DISP3: variants seen among roughly 807,000 people sequenced by gnomAD.
DISP3 encodes dispatched RND transporter family member 3.
DISP3 carries 101 observed loss-of-function variants against 135.3 expected under a neutral mutation model. That is an observed-to-expected ratio of 0.75 (90% confidence interval 0.64 to 0.88). The LOEUF (loss-of-function observed/expected upper bound fraction) is 0.88. Among genes scored for constraint, DISP3 ranks in the 40% least tolerant of loss-of-function variants. DISP3 has a pLI of 0.00. For synonymous variants in DISP3, 856 were observed against 817.0 expected (o/e 1.05, Z -0.81); for missense variants, 1,713 against 1,878.6 (o/e 0.91, Z 1.63).
chr1:11,480,769 C>T (rs1017666935), intron 1 of DISP3, among the ~76,000 whole-genome samples: 3 of 151,306 alleles, frequency 2.0e-5, no homozygotes, highest in African/African-American at 7.3e-5. Context: ...CCCCTCCCCA[C>T]CTCCTACTAC....
chr1:11,494,301 G>C (rs538693007), intron 1 of DISP3, among the ~76,000 whole-genome samples: 7 of 152,332 alleles, frequency 4.6e-5, no homozygotes, highest in South Asian at 2.1e-4. Flanking sequence ...TATTATGATG[G>C]TCTTAATGGG....
intron 5 of DISP3, 129 bp downstream of exon 5, chr1:11,515,632 T>C: frequency 7.4e-7 from 1 of 1,354,626 alleles, no homozygotes; most frequent in Non-Finnish European, 9.9e-7. Context: ...CCTAGAGCCT[T>C]GGAGTGCAGG....
chr1:11,487,350 G>A (rs12073265), intron 1 of DISP3, among the ~76,000 whole-genome samples: 5,946 of 152,294 alleles, frequency 0.039, 332 homozygotes, highest in South Asian at 0.14. Flanking sequence ...AGAACGGGCA[G>A]CTACATGGAG....
At chr1:11,514,971 C>G (rs1184483949) in intron 4 of DISP3, among the ~76,000 whole-genome samples, 1 of 152,168 alleles carries the variant, frequency 6.6e-6, no homozygotes, top group Non-Finnish European at 1.5e-5. Flanking sequence ...ACTCTACTGC[C>G]CAAGCAGACA....
chr1:11,481,648 G>T (rs1398472180), intron 1 of DISP3: 6 of 152,186 alleles, frequency 3.9e-5, no homozygotes, highest in Non-Finnish European at 8.8e-5. Context: ...TCCCTTCTCT[G>T]AGCTTCAGGT....
chr1:11,508,973 C>G (rs537473316), intron 3 of DISP3, among the ~76,000 whole-genome samples: 1 of 151,998 alleles, frequency 6.6e-6, no homozygotes, highest in African/African-American at 2.4e-5. Context: ...TCTTGTACTA[C>G]TTTCTTAAAG....
At chr1:11,517,706 T>A in intron 7 of DISP3, 104 bp downstream of exon 7, 1 of 1,412,028 alleles carries the variant, frequency 7.1e-7, no homozygotes, top group Non-Finnish European at 9.6e-7. Context: ...GTATGACCAG[T>A]CCTTTGCTAG....
At chr1:11,508,495 G>A (rs958279680) in intron 3 of DISP3, among the ~76,000 whole-genome samples, 8 of 151,720 alleles carry the variant, frequency 5.3e-5, no homozygotes, top group African/African-American at 1.7e-4. Context: ...TTTAATGTTT[G>A]TAGAAATTGT....
At chr1:11,479,874 C>T (rs990578122) in intron 1 of DISP3, among the ~76,000 whole-genome samples, 12 of 152,320 alleles carry the variant, frequency 7.9e-5, no homozygotes, top group African/African-American at 1.2e-4. Flanking sequence ...GGGACATTTC[C>T]CCGATTAACC....
At position 11,501,244 on chromosome 1, in the gene DISP3, C is replaced by T; in HGVS notation, c.252C>T (p.Ile84=). Residue 84 remains isoleucine, a synonymous_variant, in exon 2 of 21, where the codon ATC becomes ATT. Coordinates refer to ENST00000294484, the MANE Select transcript of DISP3 (RefSeq NM_020780.2). This position sits in a 1 kb window ranked among gnomAD's most constrained non-coding sequence, Gnocchi z 4.9. ...AGLVLFLGCS[I]PMALSAFMFL... ...TGGTGCTCTTCCTGGGCTGCAGCAT[C>T]CCCATGGCCCTGTCAGCCTTCATGT... is the stretch of plus-strand genomic sequence containing the variant. 2 of 1,614,174 alleles carry T rather than the reference C, an allele frequency of 1.2e-6. No homozygotes were observed. The highest frequency in any genetic ancestry group is 1.7e-6 in the Non-Finnish European group (2 of 1,180,028).
chr1:11,501,921 G>T lies in DISP3; in HGVS notation c.929G>T (p.Gly310Val). The change falls in exon 2 of 21, where the codon GGC becomes GTC. Residue 310 changes from glycine (G) to valine (V), a missense_variant. Physicochemically the swap from Gly to Val is moderately radical, Grantham distance 109. This residue lies in a region of DISP3 where 571 missense variants were observed against 494.1 expected (regional missense o/e 1.16). Transcript: ENST00000294484. This position sits in a 1 kb window ranked among gnomAD's most constrained non-coding sequence, Gnocchi z 4.9. ...GAGCGCAAGATCATGGACCACCCAG[G>T]CTTCCGGGAGTTCTGCTGGAAGCCC... ...EIERKIMDHP[G>V]FREFCWKPHE... The T allele has an allele frequency of 6.2e-7, 1 of 1,613,592 alleles. No individual in the cohort carries two copies. The highest frequency in any genetic ancestry group is 8.5e-7 in the Non-Finnish European group (1 of 1,179,890).
Position 11,524,249 on chromosome 1 carries a change from C to T in DISP3, c.2476+194C>T, listed in dbSNP as rs1452732864. On this transcript the variant is annotated intron_variant, in intron 11 of 20. Transcript: ENST00000294484. ...TCCCATCCCGCCAGGACAGTAGGCT[C>T]CCGCGACACCCTGGTCTGTGGTGCC... 2.0e-5 allele frequency among the ~76,000 whole-genome samples: 3 copies of T among 151,990 alleles called. No individual in the cohort carries two copies. The East Asian group carries it at 5.8e-4, about 29-fold the overall frequency.
Position 11,517,577 on chromosome 1 carries a change from C to T in DISP3, c.1864C>T (p.Pro622Ser), listed in dbSNP as rs1310682899. ...GGGCCTCTGGAGCCTCTACCTGGCA[C>T]CACTGGAGAGCTCCTGCCAGACCAG... ...ALGLWSLYLAPLESSCQTSCH... is the reference protein window; with the variant it reads ...ALGLWSLYLASLESSCQTSCH... Residue 622 changes from proline to serine, a missense_variant, in exon 7 of 21, where the codon CCA becomes TCA. Physicochemically the swap from Pro to Ser is moderately conservative, Grantham distance 74. Coordinates refer to ENST00000294484, the MANE Select transcript of DISP3 (RefSeq NM_020780.2). 3 of 1,613,922 alleles carry T rather than the reference C, an allele frequency of 1.9e-6. No individual in the cohort carries two copies. Among genetic ancestry groups the T allele is most frequent in the Non-Finnish European group, 2.5e-6 (3 of 1,180,050 alleles).
rs746522080 is a variant in DISP3, at chr1:11,531,047, G to A, written c.3229+14G>A. ...GCCTGCCTTCAGGTGCGTGGGGTGTGGGGAGCTGGTTCCTCCGAGGGAGGA... is the reference window on the plus strand; with the variant it reads ...GCCTGCCTTCAGGTGCGTGGGGTGTAGGGAGCTGGTTCCTCCGAGGGAGGA... On this transcript the variant is annotated intron_variant, in intron 16 of 20. Coordinates refer to ENST00000294484, the MANE Select transcript of DISP3 (RefSeq NM_020780.2). This position sits in a 1 kb window ranked among gnomAD's most constrained non-coding sequence, Gnocchi z 5.2. 5.0e-6 allele frequency: 8 copies of A among 1,612,796 alleles called. No individual in the cohort carries two copies. The highest frequency in any genetic ancestry group is 6.8e-6 in the Non-Finnish European group (8 of 1,179,836).
rs12090905 is a variant in DISP3 at position 11,520,599 on chromosome 1, G to T, written c.2201-88G>T. 5,889 of 1,461,518 alleles carry T rather than the reference G, an allele frequency of 4.0e-3. 137 individuals carry two copies. The African/African-American group carries it at 0.054, about 13-fold the overall frequency. The allele number at this position is 1,461,518 out of a possible 1,614,324, so 90.5% of individuals were successfully genotyped here. On this transcript the variant is annotated intron_variant, in intron 9 of 20. Transcript: ENST00000294484. The surrounding 1 kb of genome is among the most constrained non-coding windows in gnomAD (Gnocchi z 4.8). Reference sequence around the variant, plus strand: ...TAGGACACCCGCCCCCCAACAACCAGAGCAGTTGTCTCCCGGCACTTTGGA... The same window carrying T: ...TAGGACACCCGCCCCCCAACAACCATAGCAGTTGTCTCCCGGCACTTTGGA...
chr1:11,519,849 G>A lies in DISP3; in HGVS notation c.2169G>A (p.Trp723Ter), dbSNP rs1642129966. 1 of 1,611,710 alleles carries A rather than the reference G, an allele frequency of 6.2e-7. No individual in the cohort carries two copies. Among genetic ancestry groups the A allele is most frequent in the Non-Finnish European group, 8.5e-7 (1 of 1,179,816 alleles). ...AGCTGCTGCACCACTGGGTCCTGTG[G>A]TCAGCCGTCAAGAGCCGCTGGGTGA... ...LQELLHHWVL[W>*]SAVKSRWVIV... Residue 723 changes from tryptophan (W) to a stop codon, truncating the protein, a stop_gained, in exon 9 of 21, where the codon TGG (tryptophan) becomes TGA (stop). Coordinates refer to ENST00000294484, the MANE Select transcript of DISP3 (RefSeq NM_020780.2). LOFTEE classifies it high-confidence loss of function. This position sits in a 1 kb window ranked among gnomAD's most constrained non-coding sequence, Gnocchi z 4.3.
chr1:11,520,827 A>G lies in DISP3; in HGVS notation c.2341A>G (p.Ile781Val). 6.2e-7 allele frequency: 1 copy of G among 1,608,770 alleles called. No individual in the cohort carries two copies. The highest frequency in any genetic ancestry group is 8.5e-7 in the Non-Finnish European group (1 of 1,177,804). Residue 781 changes from isoleucine (I) to valine (V), a missense_variant, in exon 10 of 21, where the codon ATC (isoleucine) becomes GTC (valine). Ile to Val is a conservative substitution (Grantham distance 29, BLOSUM62 3). Coordinates refer to ENST00000294484, the MANE Select transcript of DISP3 (RefSeq NM_020780.2). This position sits in a 1 kb window ranked among gnomAD's most constrained non-coding sequence, Gnocchi z 4.8. ...DLKYNLSAEG[I>V]SCITCSGLFQ... is the part of the protein sequence containing the mutation. ...CAAGTACAACCTGAGCGCCGAGGGC[A>G]TCTCCTGCATCACCTGTTCAGGTGA...
At position 11,514,427 on chromosome 1, in the gene DISP3, G is replaced by A. The variant is rs780803456; in HGVS notation, c.1354G>A (p.Asp452Asn). ...QVLYGGTDLF[D>N]YEVRRTFNND... The stretch of plus-strand genomic sequence containing the variant: ...TCTCTATGGGGGGACAGACCTGTTT[G>A]ACTATGAAGTGCGCAGGACGTTCAA... Residue 452 changes from aspartate (D) to asparagine (N), a missense_variant, in exon 4 of 21, where the codon GAC becomes AAC. Around this residue, in one of 2 missense-constraint regions of DISP3, gnomAD observed 1,142 missense variants for 1,384.6 expected, o/e 0.82. Coordinates refer to ENST00000294484, the MANE Select transcript of DISP3 (RefSeq NM_020780.2). 6.2e-7 allele frequency: 1 copy of A among 1,613,448 alleles called. No individual in the cohort carries two copies. The highest frequency in any genetic ancestry group is 1.3e-5 in the African/African-American group (1 of 74,926).
At chr1:11,488,671 GCAGACACGTGCGTGCATGCATGCA>G (rs1426529989) in intron 1 of DISP3, among the ~76,000 whole-genome samples, 1 of 145,116 alleles carries the variant, frequency 6.9e-6, no homozygotes, top group Non-Finnish European at 1.5e-5. Context: ...GTGTGTGTTT[GCAGACACGTGCGTGCATGCATGCA>G]CAGACACCCA....
Sources: allele counts gnomAD v4.1 joint callset (sites outside exome capture counted in the v4.1 genomes callset), GRCh38; gene constraint gnomAD v4.1.1; regional missense constraint gnomAD v4.1.1; non-coding constraint Gnocchi (gnomAD v3.1); transcripts MANE v1.5; gene names NCBI Gene and HGNC (gene_info 2026-07-23, HGNC 2026-07-21).